The following ECT2 variants were observed in gnomAD, a reference collection of about 807,000 sequenced individuals.
ECT2 encodes the protein protein ECT2.
Under a neutral mutation model 116.9 loss-of-function variants are expected in ECT2, and 61 were observed. The ratio of observed to expected loss-of-function variants is 0.52; its 90% confidence interval spans 0.42 to 0.65. ECT2 has a LOEUF of 0.65. ECT2 is among the 30% of genes least tolerant of loss of function. The pLI is 0.00. For missense variants in ECT2, 937 were observed against 1,078.7 expected, an observed-to-expected ratio of 0.87 and a Z score of 1.84; for synonymous variants, 358 against 346.4, an observed-to-expected ratio of 1.03 and a Z score of -0.37.
At chr3:172,759,570 G>T (rs6445087) in intron 6 of ECT2, among the ~76,000 whole-genome samples, 2 of 151,920 alleles carry the variant, frequency 1.3e-5, no homozygotes, top group Non-Finnish European at 2.9e-5. Flanking sequence ...GCCTCCCGAG[G>T]AGCTGGGACT....
chr3:172,823,931 CTCT>C (rs774207265), downstream of ECT2, among the ~76,000 whole-genome samples: 70 of 96,992 alleles, frequency 7.2e-4, no homozygotes, highest in South Asian at 7.8e-4. Context: ...CTAAGTTTTT[CTCT>C]TTTTTTTTTT....
intron 18 of ECT2, among the ~76,000 whole-genome samples, chr3:172,792,074 A>AAC (rs1046586017): frequency 3.5e-4 from 54 of 152,130 alleles, no homozygotes; most frequent in African/African-American, 1.2e-3. Context: ...GAGCACTCAG[A>AAC]ACACACACAC....
At chr3:172,815,809 A>C in intron 23 of ECT2, 98 bp downstream of exon 23, 1 of 800,746 alleles carries the variant, frequency 1.2e-6, no homozygotes, top group South Asian at 1.7e-5. Flanking sequence ...AAGATAGTTT[A>C]TAAAACAAAG....
chr3:172,807,055 G>A (rs1436458360), intron 21 of ECT2, among the ~76,000 whole-genome samples: 4 of 152,106 alleles, frequency 2.6e-5, no homozygotes, highest in East Asian at 3.8e-4. Flanking sequence ...TGGTATCCAC[G>A]GGGGACGGTT....
Position 172,802,659 on chromosome 3 carries a change from A to G in ECT2, c.1951A>G (p.Ile651Val), listed in dbSNP as rs1356559135. The G allele has an allele frequency of 3.0e-5, 48 of 1,603,584 alleles. No homozygotes were observed. The highest frequency in any genetic ancestry group is 3.9e-5 in the Non-Finnish European group (46 of 1,175,186). Residue 651 changes from isoleucine (I) to valine (V), a missense_variant, in exon 19 of 25, where the codon ATT (isoleucine) becomes GTT (valine). By Grantham distance (29) the Ile-to-Val change is conservative. Transcript: ENST00000392692. ...GAGAAAAACAGAAGCTCAAAAGCAA[A>G]TTTTTGATGTTGTTTATGAAGTAGA... Reference protein sequence around the residue: ...DKRKTEAQKQIFDVVYEVDGC... With the variant: ...DKRKTEAQKQVFDVVYEVDGC...
chr3:172,754,765 A>T, intron 2 of ECT2, 105 bp downstream of exon 2: 1 of 805,494 alleles, frequency 1.2e-6, no homozygotes, highest in Non-Finnish European at 1.9e-6. Context: ...ATGCTAGAGC[A>T]CAGGTATTAA....
chr3:172,757,433 T>TTTTA, intron 5 of ECT2, among the ~76,000 whole-genome samples: 1 of 150,778 alleles, frequency 6.6e-6, no homozygotes. Context: ...TTTTTTTTTT[T>TTTTA]TGAGACGGAG....
At chr3:172,792,135 G>A (rs906312888) in intron 18 of ECT2, among the ~76,000 whole-genome samples, 3 of 152,052 alleles carry the variant, frequency 2.0e-5, no homozygotes, top group South Asian at 2.1e-4. Flanking sequence ...GTGGTGTCCC[G>A]AAACAATTAC....
chr3:172,825,310 T>C (rs1017040974), downstream of ECT2, among the ~76,000 whole-genome samples: 3 of 151,904 alleles, frequency 2.0e-5, no homozygotes, highest in Non-Finnish European at 4.4e-5. Context: ...CCCTAACTCC[T>C]GAGACACAAT....
chr3:172,754,966 C>T (rs1030071256), intron 2 of ECT2, among the ~76,000 whole-genome samples: 2 of 151,962 alleles, frequency 1.3e-5, no homozygotes, highest in Non-Finnish European at 2.9e-5. Flanking sequence ...TAGGTGAAAG[C>T]TACTTTTTCC....
At chr3:172,786,600 A>G in intron 18 of ECT2, 26 bp downstream of exon 18, 1 of 1,463,380 alleles carries the variant, frequency 6.8e-7, no homozygotes, top group Non-Finnish European at 9.5e-7. Flanking sequence ...TCAATTTTTG[A>G]TTGTGCCTTA....
chr3:172,823,933 CTTTTTTTT>C (rs71162315), downstream of ECT2, among the ~76,000 whole-genome samples: 1 of 126,644 alleles, frequency 7.9e-6, no homozygotes, highest in African/African-American at 2.8e-5. Context: ...AAGTTTTTCT[CTTTTTTTT>C]TTTTTTTTGA....
Position 172,774,081 on chromosome 3 carries a change from G to T in ECT2, c.1548+59G>T, listed in dbSNP as rs1721197828. The T allele has an allele frequency of 2.6e-6, 4 of 1,518,192 alleles. No homozygotes were observed. The Admixed American group carries it at 5.3e-5, about 20-fold the overall frequency. The allele number at this position is 1,518,192 out of a possible 1,614,324, so 94.0% of individuals were successfully genotyped here. ...TTTTCAGATTGTACATATTTATTATGATCTTTGAGGTACTTCTGGTTAGCT... is the reference window on the plus strand; with the variant it reads ...TTTTCAGATTGTACATATTTATTATTATCTTTGAGGTACTTCTGGTTAGCT... On this transcript the variant is annotated intron_variant, in intron 14 of 24. Transcript: ENST00000392692.
chr3:172,823,199 A>G (rs1346888910), downstream of ECT2, among the ~76,000 whole-genome samples: 1 of 152,156 alleles, frequency 6.6e-6, no homozygotes, highest in East Asian at 1.9e-4. Flanking sequence ...TTTTTATGGA[A>G]CAATACAAAA....
At chr3:172,774,935 G>A (rs1721382095) in intron 14 of ECT2, among the ~76,000 whole-genome samples, 1 of 152,172 alleles carries the variant, frequency 6.6e-6, no homozygotes, top group Admixed American at 6.5e-5. Context: ...CTCTTGGGGT[G>A]TATATTTTTG....
downstream of ECT2, among the ~76,000 whole-genome samples, chr3:172,823,259 A>G (rs1399371817): frequency 2.6e-4 from 40 of 152,140 alleles, no homozygotes; most frequent in Non-Finnish European, 7.4e-5. Flanking sequence ...AATGTAACTC[A>G]AAACAAAGGA....
chr3:172,811,858 C>T (rs1379701290), intron 22 of ECT2, among the ~76,000 whole-genome samples: 2 of 152,110 alleles, frequency 1.3e-5, no homozygotes, highest in Non-Finnish European at 2.9e-5. Context: ...AAATATACAA[C>T]AGTATACTGC....
intron 8 of ECT2, 115 bp downstream of exon 8, chr3:172,761,798 G>A (rs1056547483): frequency 1.1e-5 from 6 of 564,660 alleles, no homozygotes; most frequent in African/African-American, 7.8e-5. Context: ...TTCAGTCTGA[G>A]TAGCTTGAGG....
At chr3:172,799,912 T>C (rs915575927) in intron 18 of ECT2, among the ~76,000 whole-genome samples, 25 of 152,236 alleles carry the variant, frequency 1.6e-4, no homozygotes, top group Non-Finnish European at 3.5e-4. Context: ...AACTCAGTGC[T>C]GGACTTCAGG....
Sources: allele counts gnomAD v4.1 joint callset (sites outside exome capture counted in the v4.1 genomes callset), GRCh38; gene constraint gnomAD v4.1.1; transcripts MANE v1.5; gene names NCBI Gene and HGNC (gene_info 2026-07-23, HGNC 2026-07-21).